UGT1A7: variants seen among roughly 807,000 people sequenced by gnomAD.
UGT1A7 encodes the protein UDP glucuronosyltransferase family 1 member A7, also known as UDP-glucuronosyltransferase 1A7.
Under a neutral mutation model 45.6 loss-of-function variants are expected in UGT1A7, and 33 were observed. The observed-to-expected ratio is 0.72, with a 90% CI of 0.55 to 0.97. UGT1A7 has a LOEUF of 0.97. Among genes scored for constraint, UGT1A7 ranks in the 50% least tolerant of loss-of-function variants. The pLI, the probability that UGT1A7 is intolerant of heterozygous loss-of-function variation, is 0.00. For synonymous variants in UGT1A7, 274 were observed against 250.6 expected, an observed-to-expected ratio of 1.09 and a Z score of -0.88; for missense variants, 684 against 666.2, an observed-to-expected ratio of 1.03 and a Z score of -0.29.
At chr2:233,725,001 G>C (rs1276972399) in intron 1 of UGT1A7, among the ~76,000 whole-genome samples, 3 of 134,004 alleles carry the variant, frequency 2.2e-5, no homozygotes, top group African/African-American at 3.7e-5. Flanking sequence ...GCTGGAGACC[G>C]GCCCGGCCAA....
intron 1 of UGT1A7, chr2:233,752,610 TTAGC>T (rs1306337132): frequency 1.3e-5 from 2 of 152,180 alleles, no homozygotes; most frequent in Non-Finnish European, 2.9e-5. Flanking sequence ...TAAAAAAACA[TTAGC>T]TAGGTGTGGT....
At chr2:233,756,672 A>T (rs1246322346) in intron 1 of UGT1A7, among the ~76,000 whole-genome samples, 1 of 152,212 alleles carries the variant, frequency 6.6e-6, no homozygotes, top group Non-Finnish European at 1.5e-5. Context: ...TATTTCCGCT[A>T]GAACTGCTAT....
chr2:233,713,432 T>C (rs2125633879), intron 1 of UGT1A7: 1 of 1,614,202 alleles, frequency 6.2e-7, no homozygotes, highest in East Asian at 2.2e-5. Flanking sequence ...CTTCCTTTGA[T>C]GTGGTTCTAA....
intron 1 of UGT1A7, among the ~76,000 whole-genome samples, chr2:233,710,802 C>T (rs187867245): frequency 5.3e-4 from 80 of 152,332 alleles, no homozygotes; most frequent in Non-Finnish European, 9.6e-4. Context: ...TTGTACCCCT[C>T]GTGCCCTATC....
intron 1 of UGT1A7, chr2:233,743,786 C>T: frequency 7.3e-7 from 1 of 1,367,346 alleles, no homozygotes; most frequent in Middle Eastern, 2.1e-4. Context: ...CTTGAATCTC[C>T]TCTCCGCTTC....
At chr2:233,744,389 G>GC (rs1692798556) in intron 1 of UGT1A7, among the ~76,000 whole-genome samples, 1 of 151,858 alleles carries the variant, frequency 6.6e-6, no homozygotes, top group African/African-American at 2.4e-5. Flanking sequence ...CAACGTTCCA[G>GC]CCCCGGTGCC....
rs138183896 is a variant in UGT1A7 at position 233,760,581 on chromosome 2, T to C, written c.856-6453T>C. The C allele has an allele frequency of 2.4e-4, 385 of 1,614,108 alleles. No individual in the cohort carries two copies. Among genetic ancestry groups the C allele is most frequent in the Non-Finnish European group, 3.1e-4 (370 of 1,180,052 alleles). ...AGTCTTTTGTTAGTCTCGGGCATAATGTTTTTGAGAATGATTCTTTCCTGC... is the reference window on the plus strand; with the variant it reads ...AGTCTTTTGTTAGTCTCGGGCATAACGTTTTTGAGAATGATTCTTTCCTGC... On this transcript the variant is annotated intron_variant, in intron 1 of 4. Transcript: ENST00000373426.
chr2:233,747,879 C>A (rs186049008), intron 1 of UGT1A7: 15 of 1,613,516 alleles, frequency 9.3e-6, no homozygotes, highest in African/African-American at 4.0e-5. Context: ...CCTGTCCTAC[C>A]TTTGCCATGC....
rs187532847 is a variant in UGT1A7, at chr2:233,687,638, C to A, written c.855+4846C>A. On this transcript the variant is annotated intron_variant, in intron 1 of 4. Transcript: ENST00000373426. ...GAAAAAAAGGCTGAGTGTGGTGGCT[C>A]ACACATGTAATCACAGCACTTTAGG... Among the ~76,000 whole-genome samples, 42 of 150,198 alleles carry A rather than the reference C, an allele frequency of 2.8e-4. 1 individual carries two copies. The highest frequency in any genetic ancestry group is 2.7e-4 in the Admixed American group (4 of 15,044).
At chr2:233,725,044 AGGCGTGGCGGCGCGCGCCTGCAATCGCAG>A (rs1160459932) in intron 1 of UGT1A7, among the ~76,000 whole-genome samples, 1 of 148,048 alleles carries the variant, frequency 6.8e-6, no homozygotes, top group Non-Finnish European at 1.5e-5. Flanking sequence ...AAAACCAGTC[AGGCGTGGCGGCGCGCGCCTGCAATCGCAG>A]GCACTCGGCA....
At chr2:233,736,971 T>A (rs1183929377) in intron 1 of UGT1A7, among the ~76,000 whole-genome samples, 4 of 152,178 alleles carry the variant, frequency 2.6e-5, no homozygotes, top group Non-Finnish European at 5.9e-5. Flanking sequence ...GGGAGGTGTT[T>A]CCCAGTCAAG....
At chr2:233,719,146 G>A in intron 1 of UGT1A7, 2 of 1,614,266 alleles carry the variant, frequency 1.2e-6, no homozygotes, top group Non-Finnish European at 1.7e-6. Context: ...CTTCTGAAGA[G>A]ATATTCTAGA....
At chr2:233,715,294 C>T (rs2076444307) in intron 1 of UGT1A7, among the ~76,000 whole-genome samples, 1 of 152,122 alleles carries the variant, frequency 6.6e-6, no homozygotes, top group South Asian at 2.1e-4. Context: ...TATATTTTGG[C>T]TCTTGAATAG....
intron 1 of UGT1A7, among the ~76,000 whole-genome samples, chr2:233,762,016 T>C (rs1483178639): frequency 3.9e-5 from 6 of 152,180 alleles, no homozygotes; most frequent in Non-Finnish European, 2.9e-5. Flanking sequence ...CAATGTGATT[T>C]GTATTTTATT....
chr2:233,684,037 C>T (rs45511895), intron 1 of UGT1A7, among the ~76,000 whole-genome samples: 4 of 152,108 alleles, frequency 2.6e-5, no homozygotes, highest in African/African-American at 9.7e-5. Flanking sequence ...GTTGCTAAAT[C>T]CAGGTGAAAC....
chr2:233,687,549 G>A lies in UGT1A7; in HGVS notation c.855+4757G>A, dbSNP rs6737107. 1.6e-3 allele frequency among the ~76,000 whole-genome samples: 229 copies of A among 144,690 alleles called. 1 individual carries two copies. The highest frequency in any genetic ancestry group is 5.8e-3 in the African/African-American group (227 of 38,850). 94.9% of individuals were successfully genotyped at this position (144,690 alleles called of 152,430 possible). A position where few individuals can be genotyped will look rare whatever the true frequency, so the allele number is the denominator to read the frequency against. On this transcript the variant is annotated intron_variant, in intron 1 of 4. Coordinates refer to ENST00000373426, the MANE Select transcript of UGT1A7 (RefSeq NM_019077.3). ...GCCCAAGGTTATGCCTCAAGTAAGT[G>A]GGGGAGCCAGAATTCAAGACCATAC...
At position 233,718,958 on chromosome 2, in the gene UGT1A7, G is replaced by A. The variant is rs201006205; in HGVS notation, c.855+36166G>A. 528 of 1,614,220 alleles carry A rather than the reference G, an allele frequency of 3.3e-4. 5 individuals carry two copies. In the South Asian group the frequency reaches 5.5e-3, roughly 17 times the overall value. On this transcript the variant is annotated intron_variant, in intron 1 of 4. Coordinates refer to ENST00000373426, the MANE Select transcript of UGT1A7 (RefSeq NM_019077.3). ...GCAGCCCCTGGCTCAGCATGCGGGA[G>A]GCCTTGCGGGAGCTCCATGCCAGAG...
intron 1 of UGT1A7, among the ~76,000 whole-genome samples, chr2:233,714,825 A>G (rs971124099): frequency 1.3e-5 from 2 of 152,238 alleles, no homozygotes; most frequent in African/African-American, 4.8e-5. Flanking sequence ...AGTGACAACA[A>G]TATGGTGAAT....
rs28900395 is a variant in UGT1A7 at position 233,758,981 on chromosome 2, G to A, written c.856-8053G>A. ...CAAATGCCTTTCCCCTGGATCTTGGGCCAGTGGAATGAGTACAATTTAACT... is the reference window on the plus strand; with the variant it reads ...CAAATGCCTTTCCCCTGGATCTTGGACCAGTGGAATGAGTACAATTTAACT... On this transcript the variant is annotated intron_variant, in intron 1 of 4. Transcript: ENST00000373426. 1.8e-4 allele frequency among the ~76,000 whole-genome samples: 28 copies of A among 152,260 alleles called. No homozygotes were observed. The East Asian group carries it at 5.2e-3, about 28-fold the overall frequency.
Sources: gnomAD v4.1 joint callset for allele counts (sites outside exome capture counted in the v4.1 genomes callset) on GRCh38, gnomAD v4.1.1 for gene constraint, MANE v1.5 for transcripts, NCBI Gene and HGNC (gene_info 2026-07-23, HGNC 2026-07-21) for gene names.